The following PRDM10 variants were observed in gnomAD, a reference collection of about 807,000 sequenced individuals.
PRDM10 encodes the protein PR domain zinc finger protein 10.
Under a neutral mutation model 133.1 loss-of-function variants are expected in PRDM10, and 65 were observed. The ratio of observed to expected loss-of-function variants is 0.49; its 90% CI spans 0.40 to 0.60. The LOEUF (loss-of-function observed/expected upper bound fraction) is 0.60, where lower values mean the gene tolerates loss of function less well. Ranked by LOEUF, PRDM10 falls within the 20% of genes least tolerant of loss-of-function variation. The pLI is 0.00. For missense variants in PRDM10, 1,137 were observed against 1,507.1 expected, an observed-to-expected ratio of 0.75 and a Z score of 4.07; for synonymous variants, 582 against 580.4, an observed-to-expected ratio of 1.00 and a Z score of -0.04.
At chr11:129,912,811 G>T (rs1950231902) in intron 17 of PRDM10, among the ~76,000 whole-genome samples, 1 of 151,232 alleles carries the variant, frequency 6.6e-6, no homozygotes, top group Admixed American at 6.6e-5. Context: ...TGTAATCCCA[G>T]CACTTTGGGA....
chr11:129,963,378 AAAAG>A (rs775795311), intron 1 of PRDM10, among the ~76,000 whole-genome samples: 18,151 of 59,674 alleles, frequency 0.3, 3,379 homozygotes, highest in East Asian at 0.64. Context: ...GCTGAAAGAA[AAAAG>A]AGAGAAGAGA....
intron 8 of PRDM10, among the ~76,000 whole-genome samples, chr11:129,935,561 C>T (rs1951003081): frequency 6.6e-6 from 1 of 152,118 alleles, no homozygotes; most frequent in Admixed American, 6.6e-5. Context: ...GCGATTCAGA[C>T]CCAGGTTTCC....
intron 1 of PRDM10, among the ~76,000 whole-genome samples, chr11:129,980,320 G>A (rs7130078): frequency 0.052 from 7,853 of 152,198 alleles, 676 homozygotes; most frequent in African/African-American, 0.18. Flanking sequence ...AGGAGTCTCC[G>A]ACCTTGACCC....
In PRDM10 at chr11:129,942,624, A is replaced by C. The variant is rs1951249400; in HGVS notation, c.768T>G (p.Ser256=). 6.2e-7 allele frequency: 1 copy of C among 1,609,822 alleles called. No homozygotes were observed. The highest frequency in any genetic ancestry group is 2.2e-5 in the East Asian group (1 of 44,862). The change falls in exon 7 of 21, where the codon TCT becomes TCG. Residue 256 remains serine, a synonymous_variant. Transcript: ENST00000360871. ...LKDCYIHLKV[S]LDKGDRKERD... The stretch of plus-strand genomic sequence containing the variant: ...TTTCTTTCCTGTCCCCTTTATCAAG[A>C]GAAACCTGCACGAAAAAAAAGCCAC...
chr11:129,985,511 G>A (rs1193294384), intron 1 of PRDM10, among the ~76,000 whole-genome samples: 3 of 151,930 alleles, frequency 2.0e-5, no homozygotes, highest in African/African-American at 7.3e-5. Flanking sequence ...ATGGTATTGG[G>A]CAGGGCACAG....
At chr11:129,968,687 C>T (rs907472784) in intron 1 of PRDM10, among the ~76,000 whole-genome samples, 1 of 151,598 alleles carries the variant, frequency 6.6e-6, no homozygotes, top group African/African-American at 2.4e-5. Flanking sequence ...CCCCCCAGGA[C>T]GTAGGACTCA....
At chr11:129,999,040 C>T (rs963354800) in intron 1 of PRDM10, among the ~76,000 whole-genome samples, 2 of 151,978 alleles carry the variant, frequency 1.3e-5, no homozygotes, top group Non-Finnish European at 2.9e-5. Context: ...CCAGACTGTT[C>T]TCGAACTCCT....
chr11:129,920,697 C>A (rs969774368), intron 13 of PRDM10, among the ~76,000 whole-genome samples: 1 of 151,840 alleles, frequency 6.6e-6, no homozygotes. Flanking sequence ...TCACTCCTCA[C>A]CTCTCCCTTT....
chr11:129,930,897 G>T, intron 11 of PRDM10, 119 bp downstream of exon 11: 1 of 1,381,386 alleles, frequency 7.2e-7, no homozygotes, highest in Non-Finnish European at 9.7e-7. Context: ...TCGAGCATGT[G>T]ACAGGCTAGA....
intron 1 of PRDM10, among the ~76,000 whole-genome samples, chr11:129,997,131 T>TA (rs1405800773): frequency 6.6e-6 from 1 of 152,168 alleles, no homozygotes; most frequent in Non-Finnish European, 1.5e-5. Flanking sequence ...AACGTGGAAG[T>TA]AAAAAAATAT....
intron 1 of PRDM10, among the ~76,000 whole-genome samples, chr11:129,972,528 T>C (rs566895361): frequency 3.3e-5 from 5 of 152,306 alleles, no homozygotes; most frequent in East Asian, 1.9e-4. Flanking sequence ...TTAGGGAGCA[T>C]AGTTTGAGAA....
At chr11:129,985,809 A>C (rs12794817) in intron 1 of PRDM10, among the ~76,000 whole-genome samples, 1 of 61,094 alleles carries the variant, frequency 1.6e-5, no homozygotes, top group African/African-American at 8.2e-5. Context: ...AAAAAAAAAA[A>C]ATATATATAT....
At chr11:129,927,452 T>C (rs73016862) in intron 11 of PRDM10, among the ~76,000 whole-genome samples, 11,800 of 152,104 alleles carry the variant, frequency 0.078, 491 homozygotes, top group Admixed American at 0.13. Flanking sequence ...TCCAAGTTCA[T>C]TGAAGTGTCC....
At position 129,923,666 on chromosome 11, in the gene PRDM10, G is replaced by T. The variant is rs1228914304; in HGVS notation, c.1879-263C>A. Among the ~76,000 whole-genome samples the T allele has an allele frequency of 6.7e-6, 1 of 150,200 alleles. No homozygotes were observed. Among genetic ancestry groups the T allele is most frequent in the Non-Finnish European group, 1.5e-5 (1 of 67,550 alleles). On this transcript the variant is annotated intron_variant, in intron 12 of 20. Transcript: ENST00000360871. This position sits in a 1 kb window ranked among gnomAD's most constrained non-coding sequence, Gnocchi z 4.4. ...CGTGAGAGAGAGAGAGAGAGAGAGA[G>T]AGAGAGAGAGAGAGAGAGAGAGAGA...
chr11:129,934,631 T>C (rs534267001), intron 9 of PRDM10, among the ~76,000 whole-genome samples: 60 of 152,268 alleles, frequency 3.9e-4, no homozygotes, highest in African/African-American at 1.4e-3. Context: ...TGGAATAAAA[T>C]CTAAATTTCT....
intron 1 of PRDM10, among the ~76,000 whole-genome samples, chr11:129,966,034 A>G (rs1951900269): frequency 6.6e-6 from 1 of 152,110 alleles, no homozygotes; most frequent in Non-Finnish European, 1.5e-5. Context: ...ACTTGAGGTC[A>G]GGAGTTCGAG....
At chr11:129,928,008 C>T (rs1165778754) in intron 11 of PRDM10, among the ~76,000 whole-genome samples, 2 of 152,188 alleles carry the variant, frequency 1.3e-5, no homozygotes, top group Non-Finnish European at 2.9e-5. Flanking sequence ...CGTATTGTTG[C>T]TAAATTCTGT....
chr11:129,922,714 G>A (rs1950552790), intron 13 of PRDM10, among the ~76,000 whole-genome samples: 1 of 152,186 alleles, frequency 6.6e-6, no homozygotes, highest in South Asian at 2.1e-4. Flanking sequence ...TGGGTCCCCT[G>A]CAGGGTTTTG....
chr11:129,976,316 AGCAAAG>A (rs1311563720), intron 1 of PRDM10, among the ~76,000 whole-genome samples: 1 of 152,146 alleles, frequency 6.6e-6, no homozygotes, highest in Non-Finnish European at 1.5e-5. Context: ...CCCACCATCA[AGCAAAG>A]GCTGTCGCTC....
Sources: allele counts gnomAD v4.1 joint callset (sites outside exome capture counted in the v4.1 genomes callset), GRCh38; gene constraint gnomAD v4.1.1; non-coding constraint Gnocchi (gnomAD v3.1); transcripts MANE v1.5; gene names NCBI Gene and HGNC (gene_info 2026-07-23, HGNC 2026-07-21).